Variants in ACLY observed in about 807,000 individuals in gnomAD.
The protein encoded by ACLY is ATP citrate lyase.
ACLY carries 41 observed loss-of-function variants against 133.0 expected under a neutral mutation model. The ratio of observed to expected loss-of-function variants is 0.31; its 90% CI spans 0.24 to 0.40. The LOEUF (loss-of-function observed/expected upper bound fraction) is 0.40. ACLY is among the 10% of genes least tolerant of loss of function. The pLI is 1.00. For missense variants in ACLY, 1,046 were observed against 1,453.8 expected, an observed-to-expected ratio of 0.72 and a Z score of 4.56; for synonymous variants, 495 against 549.3, an observed-to-expected ratio of 0.90 and a Z score of 1.38.
At chr17:41,876,926 A>G (rs1405348620) in intron 22 of ACLY, among the ~76,000 whole-genome samples, 1 of 152,072 alleles carries the variant, frequency 6.6e-6, no homozygotes, top group East Asian at 1.9e-4. Context: ...AAAAAATAAA[A>G]AAGGAAAAAA....
chr17:41,901,559 T>C, intron 11 of ACLY, 137 bp downstream of exon 11: 1 of 729,694 alleles, frequency 1.4e-6, no homozygotes, highest in Non-Finnish European at 2.3e-6. Context: ...GGACAGGGAA[T>C]GGAAACCCAA....
At chr17:41,887,355 C>T (rs984026070) in intron 17 of ACLY, among the ~76,000 whole-genome samples, 1 of 151,664 alleles carries the variant, frequency 6.6e-6, no homozygotes, top group Non-Finnish European at 1.5e-5. Context: ...AGGAGAATCA[C>T]TTGAACCCGG....
rs2049043607 is a variant in ACLY, at chr17:41,886,219, G to A, written c.1965C>T (p.Gly655=). Residue 655 remains glycine (G), a synonymous_variant, in exon 18 of 29, where the codon GGC becomes GGT. Coordinates refer to ENST00000352035, the MANE Select transcript of ACLY (RefSeq NM_001096.3). The stretch of plus-strand genomic sequence containing the variant: ...CGGAACGTGAGACATAGGCCACGCT[G>A]CCTGGGCGGTACAGTTTGGAGGCCA... ...NILASKLYRP[G]SVAYVSRSGG... 1.2e-6 allele frequency: 2 copies of A among 1,614,118 alleles called. No individual in the cohort carries two copies. Among genetic ancestry groups the A allele is most frequent in the Admixed American group, 1.7e-5 (1 of 60,006 alleles).
In ACLY at chr17:41,897,673, A is replaced by G. The variant is rs2049409961; in HGVS notation, c.1429+76T>C. On this transcript the variant is annotated intron_variant, in intron 13 of 28. Transcript: ENST00000352035. ...TCTGCCTCTGCCAGCCCAGGGGGGA[A>G]AGGGAAAGGGGAGAGAGATACAGAG... 3 of 1,378,380 alleles carry G rather than the reference A, an allele frequency of 2.2e-6. No individual in the cohort carries two copies. In the East Asian group the frequency reaches 7.5e-5, roughly 35 times the overall value. 85.4% of individuals were successfully genotyped at this position (1,378,380 alleles called of 1,614,324 possible).
At position 41,868,702 on chromosome 17, in the gene ACLY, G is replaced by A. The variant is rs539414155; in HGVS notation, c.3211+7C>T. On this transcript the variant is annotated splice_region_variant and intron_variant, in intron 28 of 28. Transcript: ENST00000352035. ...AAAACACTTAAAACAACAACGAATGGACTCACCAATGAACCCCATACTCCT... is the reference window on the plus strand; with the variant it reads ...AAAACACTTAAAACAACAACGAATGAACTCACCAATGAACCCCATACTCCT... 2 of 1,611,952 alleles carry A rather than the reference G, an allele frequency of 1.2e-6. No homozygotes were observed. The highest frequency in any genetic ancestry group is 8.5e-7 in the Non-Finnish European group (1 of 1,179,270).
chr17:41,917,673 G>C (rs972517144), intron 1 of ACLY, among the ~76,000 whole-genome samples: 43 of 152,084 alleles, frequency 2.8e-4, no homozygotes, highest in African/African-American at 7.5e-4. Flanking sequence ...TTTATTTTTT[G>C]AGAAGACAGG....
At chr17:41,889,244 C>T (rs917759708) in intron 16 of ACLY, among the ~76,000 whole-genome samples, 2 of 152,040 alleles carry the variant, frequency 1.3e-5, no homozygotes, top group Non-Finnish European at 2.9e-5. Context: ...AGCAGCCGGA[C>T]GTGGTGGCTC....
chr17:41,892,240 T>TGGGGGG, intron 16 of ACLY, 39 bp downstream of exon 16: 4 of 400,156 alleles, frequency 1.0e-5, no homozygotes, highest in East Asian at 9.4e-5. Context: ...GCATAGTTCA[T>TGGGGGG]GGTCCCCACC....
Position 41,887,500 on chromosome 17 carries a change from T to C in ACLY, c.1875+99A>G, listed in dbSNP as rs1204088434. 5 of 962,656 alleles carry C rather than the reference T, an allele frequency of 5.2e-6. No individual in the cohort carries two copies. In the African/African-American group the frequency reaches 8.0e-5, roughly 15 times the overall value. 59.6% of individuals were successfully genotyped at this position (962,656 alleles called of 1,614,324 possible). A position where few individuals can be genotyped will look rare whatever the true frequency, so the allele number is the denominator to read the frequency against. On this transcript the variant is annotated intron_variant, in intron 17 of 28. Coordinates refer to ENST00000352035, the MANE Select transcript of ACLY (RefSeq NM_001096.3). ...ACATACTTCCTGAATCTTCTCAACC[T>C]AGGAGGGAGATAGAGGAGTCAAAAA...
intron 20 of ACLY, among the ~76,000 whole-genome samples, chr17:41,881,328 TAGG>T (rs1307019931): frequency 1.4e-5 from 2 of 141,788 alleles, no homozygotes; most frequent in Admixed American, 7.7e-5. Flanking sequence ...GAGACTGAAG[TAGG>T]AGAATTGCTT....
intron 22 of ACLY, among the ~76,000 whole-genome samples, chr17:41,877,378 G>A (rs1047696726): frequency 7.9e-5 from 12 of 151,812 alleles, no homozygotes; most frequent in Non-Finnish European, 1.6e-4. Flanking sequence ...TTTGACCTCA[G>A]GTGATCCGCC....
chr17:41,906,002 G>A (rs1444400164), intron 8 of ACLY, among the ~76,000 whole-genome samples: 6 of 152,324 alleles, frequency 3.9e-5, no homozygotes, highest in Middle Eastern at 3.4e-3. Context: ...GTGTGCTGCA[G>A]CCAGAGGAAA....
In ACLY at chr17:41,910,240, G is replaced by A. The variant is rs2049860296; in HGVS notation, c.327C>T (p.Pro109=). Residue 109 remains proline, a synonymous_variant, in exon 4 of 29, where the codon CCC becomes CCT. Coordinates refer to ENST00000352035, the MANE Select transcript of ACLY (RefSeq NM_001096.3). ...CACATACCTGACTGTGGGGGACGAA[G>A]GGCTCGATCAGAAAGTTCTTGAGGA... ...TGFLKNFLIE[P]FVPHSQAEEF... 1 of 1,613,838 alleles carries A rather than the reference G, an allele frequency of 6.2e-7. No homozygotes were observed. Among genetic ancestry groups the A allele is most frequent in the East Asian group, 2.2e-5 (1 of 44,874 alleles).
intron 6 of ACLY, among the ~76,000 whole-genome samples, chr17:41,907,831 AT>A (rs1277754834): frequency 1.3e-5 from 2 of 152,078 alleles, no homozygotes; most frequent in Non-Finnish European, 2.9e-5. Context: ...TGCCATGGCA[AT>A]TTTCAAACAT....
At chr17:41,880,412 A>G (rs1469203218) in intron 20 of ACLY, among the ~76,000 whole-genome samples, 1 of 152,202 alleles carries the variant, frequency 6.6e-6, no homozygotes, top group East Asian at 1.9e-4. Context: ...TGAGTTCCCA[A>G]TGCGTTCTTT....
At chr17:41,887,735 C>T in intron 16 of ACLY, 32 bp from the exon 17 acceptor site, 1 of 1,589,142 alleles carries the variant, frequency 6.3e-7, no homozygotes, top group Non-Finnish European at 8.6e-7. Context: ...TTCCTGTTAA[C>T]TCTCTGCCTC....
intron 19 of ACLY, among the ~76,000 whole-genome samples, chr17:41,883,904 T>A (rs1009611728): frequency 6.6e-6 from 1 of 151,986 alleles, no homozygotes; most frequent in African/African-American, 2.4e-5. Context: ...ATGCACTTTT[T>A]TTACTCCAGC....
intron 28 of ACLY, 89 bp downstream of exon 28, chr17:41,868,620 G>GA: frequency 3.0e-6 from 2 of 669,690 alleles, no homozygotes; most frequent in South Asian, 3.5e-5. Flanking sequence ...AAAAAAGAAA[G>GA]AAAAAGAAAC....
chr17:41,916,133 G>C (rs35729326), intron 1 of ACLY, among the ~76,000 whole-genome samples: 23,380 of 152,114 alleles, frequency 0.15, 1,933 homozygotes, highest in East Asian at 0.18. Flanking sequence ...CTTTGGAAGG[G>C]GGATAGGAGA....
Sources: allele counts gnomAD v4.1 joint callset (sites outside exome capture counted in the v4.1 genomes callset), GRCh38; gene constraint gnomAD v4.1.1; transcripts MANE v1.5; gene names NCBI Gene and HGNC (gene_info 2026-07-23, HGNC 2026-07-21).